Variants in COPB2 observed in about 807,000 individuals in gnomAD.
COPB2 encodes the protein coat protein complex I subunit beta 2.
COPB2 carries 16 observed loss-of-function variants against 120.8 expected under a neutral mutation model. The observed-to-expected ratio is 0.13, with a 90% CI of 0.09 to 0.20. The LOEUF (loss-of-function observed/expected upper bound fraction) is 0.20. COPB2 is among the 10% of genes least tolerant of loss of function. The probability of loss-of-function intolerance (pLI) is 1.00; values close to 1 mark genes in which losing one functional copy is unlikely to be tolerated. For synonymous variants in COPB2, 332 were observed against 366.3 expected, an observed-to-expected ratio of 0.91 and a Z score of 1.07; for missense variants, 794 against 1,076.5, an observed-to-expected ratio of 0.74 and a Z score of 3.67.
chr3:139,361,738 T>A (rs1218671677), intron 16 of COPB2, among the ~76,000 whole-genome samples: 1 of 152,256 alleles, frequency 6.6e-6, no homozygotes. Flanking sequence ...GTTTAGATGA[T>A]CTTAACGTAG....
At chr3:139,363,761 T>G (rs1364901921) in intron 15 of COPB2, among the ~76,000 whole-genome samples, 3 of 152,170 alleles carry the variant, frequency 2.0e-5, no homozygotes, top group African/African-American at 7.2e-5. Context: ...CAGGATGGCT[T>G]TATCATCAAG....
At chr3:139,389,007 AC>A (rs1434168042) in intron 1 of COPB2, among the ~76,000 whole-genome samples, 1 of 151,606 alleles carries the variant, frequency 6.6e-6, no homozygotes, top group Non-Finnish European at 1.5e-5. Flanking sequence ...TATAAACAGC[AC>A]CCCCTTCCTC....
chr3:139,366,795 C>A lies in COPB2; in HGVS notation c.1677-20G>T. ...ATCGTCCTATAAAAGAAACAGAAACCAAGTTAGAAATTCAAATCTGCAATT... is the reference window on the plus strand; with the variant it reads ...ATCGTCCTATAAAAGAAACAGAAACAAAGTTAGAAATTCAAATCTGCAATT... On this transcript the variant is annotated intron_variant, in intron 14 of 21. Transcript: ENST00000333188. 1 of 1,606,206 alleles carries A rather than the reference C, an allele frequency of 6.2e-7. No homozygotes were observed. Among genetic ancestry groups the A allele is most frequent in the Non-Finnish European group, 8.5e-7 (1 of 1,174,698 alleles).
At chr3:139,373,538 T>C (rs1253734585) in intron 8 of COPB2, 126 bp from the exon 9 acceptor site, 5 of 1,501,982 alleles carry the variant, frequency 3.3e-6, no homozygotes. Flanking sequence ...TCTTCATTGC[T>C]TAATGTCTAG....
At chr3:139,375,838 C>T (rs1305787612) in intron 5 of COPB2, among the ~76,000 whole-genome samples, 4 of 152,164 alleles carry the variant, frequency 2.6e-5, no homozygotes, top group Non-Finnish European at 5.9e-5. Context: ...AATTTCCAGG[C>T]TTTATCTCTA....
intron 17 of COPB2, among the ~76,000 whole-genome samples, chr3:139,360,449 C>CA (rs1341824518): frequency 7.2e-6 from 1 of 138,704 alleles, no homozygotes; most frequent in African/African-American, 2.7e-5. Flanking sequence ...ACGAGGGAGA[C>CA]AGAGGCTGCA....
chr3:139,388,130 C>A (rs1941958749), intron 1 of COPB2: 2 of 152,038 alleles, frequency 1.3e-5, no homozygotes, highest in East Asian at 3.9e-4. Flanking sequence ...TAGGCAGATC[C>A]AAGAGCCTTT....
At chr3:139,386,014 G>A (rs1215288544) in intron 1 of COPB2, among the ~76,000 whole-genome samples, 2 of 152,166 alleles carry the variant, frequency 1.3e-5, no homozygotes, top group African/African-American at 4.8e-5. Flanking sequence ...ATAAAAAGAA[G>A]ATCTAGCAGA....
intron 1 of COPB2, among the ~76,000 whole-genome samples, chr3:139,387,254 GGAAAGAAAAGAAAAAGAAAA>G (rs1170376905): frequency 6.7e-6 from 1 of 150,156 alleles, no homozygotes; most frequent in Non-Finnish European, 1.5e-5. Flanking sequence ...AAGTAAGGAA[GGAAAGAAAAGAAAAAGAAAA>G]GAAAGAAAAG....
chr3:139,384,592 T>C (rs1224973458), intron 1 of COPB2, among the ~76,000 whole-genome samples: 1 of 152,220 alleles, frequency 6.6e-6, no homozygotes, highest in Non-Finnish European at 1.5e-5. Context: ...CTACAAGTGT[T>C]TCCCCTTGAG....
chr3:139,373,729 C>A lies in COPB2; in HGVS notation c.831G>T (p.Val277=). 1.9e-6 allele frequency: 3 copies of A among 1,614,142 alleles called. No individual in the cohort carries two copies. The highest frequency in any genetic ancestry group is 2.5e-6 in the Non-Finnish European group (3 of 1,180,006). Residue 277 remains valine (V), a synonymous_variant, in exon 8 of 22, where the codon GTG becomes GTT. Transcript: ENST00000333188. ...LNYGMERVWC[V]ASLRGSNNVA... The stretch of plus-strand genomic sequence containing the variant: ...CATTGTTTGACCCTCTTAGACTGGC[C>A]ACGCACCATACCCTCTCCATTCCAT...
intron 2 of COPB2, chr3:139,381,212 T>C (rs1004452886): frequency 6.6e-6 from 1 of 152,250 alleles, no homozygotes; most frequent in Non-Finnish European, 1.5e-5. Flanking sequence ...TATAATTTAA[T>C]CAGCAAGTTG....
At chr3:139,367,539 C>T (rs1055671837) in intron 13 of COPB2, among the ~76,000 whole-genome samples, 1 of 152,022 alleles carries the variant, frequency 6.6e-6, no homozygotes, top group African/African-American at 2.4e-5. Flanking sequence ...CTGCCCACCT[C>T]GGCCTCCCAA....
chr3:139,366,695 G>A lies in COPB2; in HGVS notation c.1757C>T (p.Ser586Phe). The change falls in exon 15 of 22, where the codon TCC (serine) becomes TTC (phenylalanine). Residue 586 changes from serine (S) to phenylalanine (F), a missense_variant. Physicochemically the swap from Ser to Phe is radical, Grantham distance 155. Around this residue, in one of 3 missense-constraint regions of COPB2, gnomAD observed 610 missense variants for 866.7 expected, o/e 0.70. Coordinates refer to ENST00000333188, the MANE Select transcript of COPB2 (RefSeq NM_004766.3). ...GDKELNIISY[S>F]LLVSVLEYQT... ...GTATTCCAGGACTGAAACCAGCAGG[G>A]AATAGCTAATGATGTTCAATTCTTT... is the stretch of plus-strand genomic sequence containing the variant. The A allele has an allele frequency of 6.2e-7, 1 of 1,614,068 alleles. No individual in the cohort carries two copies. Among genetic ancestry groups the A allele is most frequent in the Non-Finnish European group, 8.5e-7 (1 of 1,179,980 alleles).
At chr3:139,373,992 A>G (rs1941672240) in intron 7 of COPB2, among the ~76,000 whole-genome samples, 184 bp from the exon 8 acceptor site, 1 of 152,206 alleles carries the variant, frequency 6.6e-6, no homozygotes, top group Non-Finnish European at 1.5e-5. Flanking sequence ...ATAACACATA[A>G]CATATAAGAA....
At chr3:139,360,611 G>A (rs1941400866) in intron 17 of COPB2, among the ~76,000 whole-genome samples, 1 of 151,918 alleles carries the variant, frequency 6.6e-6, no homozygotes, top group Admixed American at 6.6e-5. Flanking sequence ...TGCTAACTCG[G>A]TTAGACTTAA....
At chr3:139,388,701 C>T (rs1941985136) in intron 1 of COPB2, among the ~76,000 whole-genome samples, 1 of 148,952 alleles carries the variant, frequency 6.7e-6, no homozygotes, top group South Asian at 2.1e-4. Flanking sequence ...CCTCGGCTCA[C>T]TGCAGCCTCT....
At chr3:139,372,969 A>T (rs1941646628) in intron 9 of COPB2, among the ~76,000 whole-genome samples, 1 of 152,156 alleles carries the variant, frequency 6.6e-6, no homozygotes, top group South Asian at 2.1e-4. Flanking sequence ...ACAGGAAACT[A>T]CTATTTAACT....
In COPB2 at chr3:139,380,002, T is replaced by TC. The variant is rs1404682342; in HGVS notation, c.142-537dup. On this transcript the variant is annotated intron_variant, in intron 2 of 21. Transcript: ENST00000333188. ...TAGCTCTTAGTTTCTTTTTTTCTTTTCTTTTTTTTTTTTTTTTTTTTTTTG... is the reference window on the plus strand; with the variant it reads ...TAGCTCTTAGTTTCTTTTTTTCTTTTCCTTTTTTTTTTTTTTTTTTTTTTTG... 6.8e-5 allele frequency: 9 copies of TC among 132,636 alleles called. 1 individual carries two copies. Among genetic ancestry groups the TC allele is most frequent in the Admixed American group, 6.3e-4 (8 of 12,638 alleles). The allele number at this position is 132,636 out of a possible 1,614,324, so 8.2% of individuals were successfully genotyped here.
Sources: allele counts gnomAD v4.1 joint callset (sites outside exome capture counted in the v4.1 genomes callset), GRCh38; gene constraint gnomAD v4.1.1; regional missense constraint gnomAD v4.1.1; transcripts MANE v1.5; gene names NCBI Gene and HGNC (gene_info 2026-07-23, HGNC 2026-07-21).